VPS16: variants seen among roughly 807,000 people sequenced by gnomAD.
VPS16 encodes vacuolar protein sorting-associated protein 16 homolog.
Under a neutral mutation model 116.0 loss-of-function variants are expected in VPS16, and 82 were observed. The observed-to-expected ratio is 0.71, with a 90% CI of 0.59 to 0.85. The LOEUF (loss-of-function observed/expected upper bound fraction) is 0.85, where lower values mean the gene tolerates loss of function less well. VPS16 is among the 40% of genes least tolerant of loss of function. The probability of loss-of-function intolerance (pLI) is 0.00; values close to 1 mark genes in which losing one functional copy is unlikely to be tolerated. For synonymous variants in VPS16, 406 were observed against 420.7 expected (o/e 0.96, Z 0.43); for missense variants, 928 against 1,090.6 (o/e 0.85, Z 2.10).
chr20:2,846,901 C>T (rs757003364), intron 1 of VPS16, among the ~76,000 whole-genome samples: 23 of 152,266 alleles, frequency 1.5e-4, no homozygotes, highest in South Asian at 1.0e-3. Context: ...GTATTCGATT[C>T]GATTCCAAGG....
At chr20:2,855,998 C>G (rs1421038027) in intron 1 of VPS16, among the ~76,000 whole-genome samples, 1 of 152,216 alleles carries the variant, frequency 6.6e-6, no homozygotes. Flanking sequence ...TTTGCATTCA[C>G]AAGTTGGCTA....
At position 2,862,715 on chromosome 20, in the gene VPS16, G is replaced by A; in HGVS notation, c.1203+5G>A. 6.2e-7 allele frequency: 1 copy of A among 1,604,160 alleles called. No homozygotes were observed. The highest frequency in any genetic ancestry group is 8.5e-7 in the Non-Finnish European group (1 of 1,178,590). ...ATGCAGAAGAGTCTGCTCAGGGTTG[G>A]CCTGGATGGCCGGGCCGGGGAGGGT... On this transcript the variant is annotated splice_donor_5th_base_variant and intron_variant, in intron 12 of 23. Transcript: ENST00000380445.
At chr20:2,853,108 C>G (rs886123810) in intron 1 of VPS16, among the ~76,000 whole-genome samples, 4 of 152,128 alleles carry the variant, frequency 2.6e-5, no homozygotes, top group Non-Finnish European at 4.4e-5. Context: ...AAACCACTTT[C>G]AGCCGGGCAT....
chr20:2,860,252 C>T lies in VPS16; in HGVS notation c.254C>T (p.Pro85Leu). 1 of 1,614,028 alleles carries T rather than the reference C, an allele frequency of 6.2e-7. No homozygotes were observed. The highest frequency in any genetic ancestry group is 8.5e-7 in the Non-Finnish European group (1 of 1,180,006). ...TCTCCCCTGCAGTGGAAGAGTGGAC[C>T]CGTGGTGTCCCTGGGCTGGTCAGCT... The part of the protein sequence containing the change: ...PLASLLWKSG[P>L]VVSLGWSAEE... Residue 85 changes from proline to leucine, a missense_variant, in exon 4 of 24, where the codon CCC becomes CTC. Transcript: ENST00000380445. The surrounding 1 kb of genome is among the most constrained non-coding windows in gnomAD (Gnocchi z 6.1).
At chr20:2,840,930 C>T in intron 1 of VPS16, 103 bp downstream of exon 1, 2 of 1,060,948 alleles carry the variant, frequency 1.9e-6, no homozygotes, top group East Asian at 6.6e-5. Context: ...GCGCTGGGGT[C>T]CGCCCCGCGC....
chr20:2,861,366 A>G, intron 8 of VPS16, 86 bp downstream of exon 8: 1 of 1,592,070 alleles, frequency 6.3e-7, no homozygotes, highest in Non-Finnish European at 8.6e-7. Flanking sequence ...CGTCATGTCT[A>G]CTGGCCAAGC....
At chr20:2,843,326 G>A (rs1050871356) in intron 1 of VPS16, among the ~76,000 whole-genome samples, 4 of 152,122 alleles carry the variant, frequency 2.6e-5, no homozygotes, top group African/African-American at 9.7e-5. Context: ...CAGCTACTCG[G>A]GAAGCTGAGG....
rs959148574 is a variant in VPS16 at position 2,862,638 on chromosome 20, C to T, written c.1131C>T (p.Thr377=). The T allele has an allele frequency of 4.3e-6, 7 of 1,613,300 alleles. No individual in the cohort carries two copies. In the Admixed American group the frequency reaches 5.0e-5, roughly 12 times the overall value. The change falls in exon 12 of 24, where the codon ACC becomes ACT. Residue 377 remains threonine (T), a synonymous_variant. Coordinates refer to ENST00000380445, the MANE Select transcript of VPS16 (RefSeq NM_022575.4). ...AGATCCAGGAGCTGGGCCAGCTGAC[C>T]CAGGCCGTGCAGCAGTGCATTGAGG... The part of the protein sequence containing the change: ...LREIQELGQL[T]QAVQQCIEAA...
chr20:2,859,409 G>T (rs1175348125), intron 1 of VPS16, among the ~76,000 whole-genome samples: 1 of 152,214 alleles, frequency 6.6e-6, no homozygotes, highest in East Asian at 1.9e-4. Flanking sequence ...ATCTCAGTTT[G>T]TGCCTTGGAT....
chr20:2,846,112 C>CTCT (rs2089056768), intron 1 of VPS16, among the ~76,000 whole-genome samples: 1 of 89,676 alleles, frequency 1.1e-5, no homozygotes, highest in African/African-American at 4.8e-5. Flanking sequence ...CTGTACTCCG[C>CTCT]TTTTTTTTTT....
Position 2,859,757 on chromosome 20 carries a change from A to G in VPS16, c.92A>G (p.Glu31Gly). The G allele has an allele frequency of 6.2e-7, 1 of 1,613,120 alleles. No homozygotes were observed. Among genetic ancestry groups the G allele is most frequent in the Non-Finnish European group, 8.5e-7 (1 of 1,179,634 alleles). Residue 31 changes from glutamate (E) to glycine (G), a missense_variant, in exon 2 of 24, where the codon GAG becomes GGG. Transcript: ENST00000380445. The stretch of plus-strand genomic sequence containing the variant: ...TACAGCATGGACTGGGACCTGAAGG[A>G]GGAACTCAGGGATTGCCTGGTGGCT... The part of the protein sequence containing the change: ...ELYSMDWDLK[E>G]ELRDCLVAAA...
At chr20:2,842,610 A>G (rs1308513517) in intron 1 of VPS16, among the ~76,000 whole-genome samples, 1 of 149,752 alleles carries the variant, frequency 6.7e-6, no homozygotes, top group African/African-American at 2.5e-5. Context: ...CCGTCTATAT[A>G]TAGATATATC....
chr20:2,858,238 T>C (rs1848720188), intron 1 of VPS16, among the ~76,000 whole-genome samples: 1 of 152,042 alleles, frequency 6.6e-6, no homozygotes, highest in Non-Finnish European at 1.5e-5. Context: ...GGCATGCTAC[T>C]TGTAACTACA....
intron 1 of VPS16, among the ~76,000 whole-genome samples, chr20:2,858,387 A>AT (rs2146662173): frequency 6.6e-6 from 1 of 152,226 alleles, no homozygotes; most frequent in African/African-American, 2.4e-5. Flanking sequence ...GATTACAGGC[A>AT]TGAGCCACCT....
Position 2,862,078 on chromosome 20 carries a change from T to C in VPS16, c.1019T>C (p.Ile340Thr), listed in dbSNP as rs1788575465. ...GCGGCCAGCGAGGAAATCTTCAAAA[T>C]TGCCTCAATGGCCCCCGGGGCGCTG... ...VPAASEEIFK[I>T]ASMAPGALLL... The change falls in exon 11 of 24, where the codon ATT becomes ACT. Residue 340 changes from isoleucine (I) to threonine (T), a missense_variant. Coordinates refer to ENST00000380445, the MANE Select transcript of VPS16 (RefSeq NM_022575.4). The C allele has an allele frequency of 1.9e-6, 3 of 1,613,960 alleles. No homozygotes were observed. The East Asian group carries it at 6.7e-5, about 36-fold the overall frequency.
chr20:2,841,717 T>G (rs2088976956), intron 1 of VPS16, among the ~76,000 whole-genome samples: 2 of 152,124 alleles, frequency 1.3e-5, no homozygotes, highest in African/African-American at 4.8e-5. Context: ...AGGCGACATT[T>G]GTATAGGTTT....
intron 1 of VPS16, among the ~76,000 whole-genome samples, chr20:2,842,621 T>TAGATAG (rs2088991598): frequency 7.4e-5 from 11 of 147,702 alleles, no homozygotes; most frequent in Non-Finnish European, 1.5e-4. Flanking sequence ...TAGATATATC[T>TAGATAG]ATCTATATCT....
At position 2,840,779 on chromosome 20, in the gene VPS16, A is replaced by G; in HGVS notation, c.5A>G (p.Asp2Gly). 6.5e-6 allele frequency: 10 copies of G among 1,548,522 alleles called. No individual in the cohort carries two copies. Among genetic ancestry groups the G allele is most frequent in the Non-Finnish European group, 7.8e-6 (9 of 1,146,600 alleles). The change falls in exon 1 of 24, where the codon GAC becomes GGC. Residue 2 changes from aspartate (D) to glycine (G), a missense_variant. By Grantham distance (94) the Asp-to-Gly change is moderately conservative. Coordinates refer to ENST00000380445, the MANE Select transcript of VPS16 (RefSeq NM_022575.4). ...CAGCTGCCGTCTGCACCAGCCATGG[A>G]CTGCTACACGGCGAACTGGAACCCA... is the stretch of plus-strand genomic sequence containing the variant. The part of the protein sequence containing the change: M[D>G]CYTANWNPLG...
At chr20:2,850,428 A>T (rs1363550268) in intron 1 of VPS16, among the ~76,000 whole-genome samples, 2 of 152,158 alleles carry the variant, frequency 1.3e-5, no homozygotes, top group Admixed American at 1.3e-4. Context: ...AGAAATCGAG[A>T]CTATCTGGCC....
Sources: allele counts gnomAD v4.1 joint callset (sites outside exome capture counted in the v4.1 genomes callset), GRCh38; gene constraint gnomAD v4.1.1; non-coding constraint Gnocchi (gnomAD v3.1); transcripts MANE v1.5; gene names NCBI Gene and HGNC (gene_info 2026-07-23, HGNC 2026-07-21).